The following FHIT variants were observed in gnomAD, a reference collection of about 807,000 sequenced individuals.
The protein encoded by FHIT is bis(5'-adenosyl)-triphosphatase.
In FHIT, 19 loss-of-function variants were observed where a neutral mutation model predicts 17.9. The ratio of observed to expected loss-of-function variants is 1.06; its 90% confidence interval spans 0.74 to 1.56. The LOEUF (loss-of-function observed/expected upper bound fraction) is 1.56, where lower values mean the gene tolerates loss of function less well. Ranked by LOEUF, FHIT falls within the 40% of genes most tolerant of loss-of-function variation. The pLI, the probability that FHIT is intolerant of heterozygous loss-of-function variation, is 0.00. For missense variants in FHIT, 248 were observed against 189.2 expected, an observed-to-expected ratio of 1.31 and a Z score of -1.82; for synonymous variants, 81 against 69.7, an observed-to-expected ratio of 1.16 and a Z score of -0.81.
At chr3:60,864,017 A>G (rs1704045392) in intron 3 of FHIT, among the ~76,000 whole-genome samples, 1 of 152,208 alleles carries the variant, frequency 6.6e-6, no homozygotes, top group South Asian at 2.1e-4. Context: ...AGAAGACCTC[A>G]TAATCATGGC....
intron 8 of FHIT, among the ~76,000 whole-genome samples, chr3:59,764,858 C>A (rs1165186466): frequency 7.0e-6 from 1 of 143,260 alleles, no homozygotes; most frequent in African/African-American, 2.7e-5. Context: ...TGTAAGGCAA[C>A]TGCAAACACA....
At chr3:60,088,227 T>G (rs180672068) in intron 5 of FHIT, among the ~76,000 whole-genome samples, 78 of 152,286 alleles carry the variant, frequency 5.1e-4, no homozygotes, top group African/African-American at 1.8e-3. Flanking sequence ...ATGACGGATC[T>G]GCCTTCATGA....
At chr3:59,807,917 G>A (rs531600043) in intron 8 of FHIT, among the ~76,000 whole-genome samples, 1 of 152,304 alleles carries the variant, frequency 6.6e-6, no homozygotes, top group African/African-American at 2.4e-5. Flanking sequence ...TGTCTGTGGT[G>A]AAACATACAC....
intron 8 of FHIT, among the ~76,000 whole-genome samples, chr3:59,902,455 G>C (rs1026427761): frequency 6.6e-6 from 1 of 151,176 alleles, no homozygotes; most frequent in East Asian, 1.9e-4. Flanking sequence ...AGAACCAAAG[G>C]AACTGAAATC....
At chr3:60,064,422 C>G (rs1325491031) in intron 5 of FHIT, among the ~76,000 whole-genome samples, 1 of 152,188 alleles carries the variant, frequency 6.6e-6, no homozygotes, top group Non-Finnish European at 1.5e-5. Context: ...CCACTGCCAT[C>G]TCTATCTTGC....
At chr3:60,772,228 G>A (rs1357577919) in intron 4 of FHIT, among the ~76,000 whole-genome samples, 3 of 148,856 alleles carry the variant, frequency 2.0e-5, no homozygotes, top group African/African-American at 7.4e-5. Flanking sequence ...TTGATGAGTA[G>A]TCTGATATGC....
chr3:60,826,183 AAGGAAGGAAGGAAGGAAG>A (rs1702112263), intron 3 of FHIT, among the ~76,000 whole-genome samples: 2 of 136,186 alleles, frequency 1.5e-5, no homozygotes, highest in Non-Finnish European at 3.0e-5. Flanking sequence ...GGAAGGAAGG[AAGGAAGGAAGGAAGGAAG>A]GAAGGAAGGA....
chr3:59,936,777 T>C (rs1706262605), intron 7 of FHIT, among the ~76,000 whole-genome samples: 1 of 152,074 alleles, frequency 6.6e-6, no homozygotes, highest in African/African-American at 2.4e-5. Flanking sequence ...AACATAGTAA[T>C]TATGGAGACA....
intron 5 of FHIT, among the ~76,000 whole-genome samples, chr3:60,017,405 C>A (rs765315390): frequency 6.6e-6 from 1 of 152,180 alleles, no homozygotes; most frequent in Admixed American, 6.5e-5. Context: ...GGATACAAAG[C>A]TGGCATTTTG....
intron 4 of FHIT, among the ~76,000 whole-genome samples, chr3:60,596,853 G>A (rs959825467): frequency 1.3e-5 from 2 of 152,088 alleles, no homozygotes; most frequent in African/African-American, 4.8e-5. Context: ...TAAATTAAAT[G>A]AACCTAATAA....
intron 3 of FHIT, among the ~76,000 whole-genome samples, chr3:60,929,409 A>G (rs782004505): frequency 1.3e-5 from 2 of 152,214 alleles, no homozygotes; most frequent in Non-Finnish European, 2.9e-5. Flanking sequence ...TTAGGAAAAG[A>G]GGAAATCCAA....
At chr3:60,463,382 A>G (rs1338491891) in intron 5 of FHIT, among the ~76,000 whole-genome samples, 1 of 152,182 alleles carries the variant, frequency 6.6e-6, no homozygotes, top group African/African-American at 2.4e-5. Context: ...ATAAGGATTT[A>G]ATTGCATTTA....
intron 2 of FHIT, among the ~76,000 whole-genome samples, chr3:61,118,035 A>C (rs1168795979): frequency 6.6e-6 from 1 of 152,176 alleles, no homozygotes; most frequent in East Asian, 1.9e-4. Context: ...TCTCATTAAT[A>C]AGGAGAAACT....
intron 3 of FHIT, among the ~76,000 whole-genome samples, chr3:60,928,015 C>A (rs1167892562): frequency 6.6e-6 from 1 of 152,150 alleles, no homozygotes; most frequent in African/African-American, 2.4e-5. Flanking sequence ...TACTCCCAAC[C>A]CAGTGCTCTC....
At chr3:61,024,424 G>A (rs560014720) in intron 3 of FHIT, among the ~76,000 whole-genome samples, 3 of 152,046 alleles carry the variant, frequency 2.0e-5, no homozygotes, top group Non-Finnish European at 4.4e-5. Flanking sequence ...CTTCAAAGAG[G>A]CTGAGCTAAG....
At chr3:60,457,182 A>C (rs917576103) in intron 5 of FHIT, among the ~76,000 whole-genome samples, 1 of 152,096 alleles carries the variant, frequency 6.6e-6, no homozygotes, top group Admixed American at 6.6e-5. Context: ...TTCAAACAAT[A>C]CTACAAGGCT....
At chr3:60,476,116 A>G (rs1165147559) in intron 5 of FHIT, among the ~76,000 whole-genome samples, 1 of 152,220 alleles carries the variant, frequency 6.6e-6, no homozygotes, top group East Asian at 1.9e-4. Flanking sequence ...AGTCACAGAA[A>G]TCTTCCAAGT....
chr3:61,177,245 C>T (rs1472397955), intron 2 of FHIT, among the ~76,000 whole-genome samples: 3 of 151,710 alleles, frequency 2.0e-5, no homozygotes, highest in Admixed American at 2.0e-4. Flanking sequence ...TAAATACTCA[C>T]CTTTGCATCT....
In FHIT at chr3:61,046,242, G is replaced by A. The variant is rs546649724; in HGVS notation, c.-163-4143C>T. 1.0e-3 allele frequency among the ~76,000 whole-genome samples: 156 copies of A among 152,194 alleles called. 3 individuals are homozygous for A. Among genetic ancestry groups the A allele is most frequent in the Admixed American group, 8.5e-4 (13 of 15,280 alleles). Reference sequence around the variant, plus strand: ...GATCAACAAAATTGATAGACTGCTAGCAAGACTGGTAAAGAAGAAAAGAGA... The same window carrying A: ...GATCAACAAAATTGATAGACTGCTAACAAGACTGGTAAAGAAGAAAAGAGA... On this transcript the variant is annotated intron_variant, in intron 2 of 9. Coordinates refer to ENST00000492590, the MANE Select transcript of FHIT (RefSeq NM_002012.4).
Sources: gnomAD v4.1 joint callset for allele counts (sites outside exome capture counted in the v4.1 genomes callset) on GRCh38, gnomAD v4.1.1 for gene constraint, MANE v1.5 for transcripts, NCBI Gene and HGNC (gene_info 2026-07-23, HGNC 2026-07-21) for gene names.